The following FZD3 variants were observed in gnomAD, a reference collection of about 807,000 sequenced individuals.
FZD3 encodes frizzled-3.
In FZD3, 30 loss-of-function variants were observed where a neutral mutation model predicts 60.7. The observed-to-expected ratio is 0.49, with a 90% CI of 0.37 to 0.67. The LOEUF is 0.67. Ranked by LOEUF, FZD3 falls within the 30% of genes least tolerant of loss-of-function variation. The probability of loss-of-function intolerance (pLI) is 0.00; values close to 1 mark genes in which losing one functional copy is unlikely to be tolerated. For missense variants in FZD3, 605 were observed against 838.7 expected (o/e 0.72, Z 3.44); for synonymous variants, 246 against 275.2 (o/e 0.89, Z 1.05).
chr8:28,555,768 G>A lies in FZD3; in HGVS notation c.1584G>A (p.Gln528=). 6.2e-7 allele frequency: 1 copy of A among 1,612,434 alleles called. No homozygotes were observed. The highest frequency in any genetic ancestry group is 8.5e-7 in the Non-Finnish European group (1 of 1,178,436). The change falls in exon 7 of 8, where the codon CAG becomes CAA. Residue 528 remains glutamine, a synonymous_variant. Transcript: ENST00000240093. ...TGAATGAGAGCCGACAGGTACTCCA[G>A]GAACCTGATTTTGCTCAGTCTCTCC... ...EIVNESRQVL[Q]EPDFAQSLLR...
intron 7 of FZD3, among the ~76,000 whole-genome samples, chr8:28,560,149 A>G (rs1476580328): frequency 1.3e-5 from 2 of 152,210 alleles, no homozygotes; most frequent in Non-Finnish European, 2.9e-5. Flanking sequence ...TAGATTAGTG[A>G]TAGCAAATAG....
At chr8:28,555,152 T>A (rs1805485640) in intron 6 of FZD3, among the ~76,000 whole-genome samples, 1 of 152,166 alleles carries the variant, frequency 6.6e-6, no homozygotes, top group Non-Finnish European at 1.5e-5. Context: ...TTTGTTTTGT[T>A]CTAATTATGA....
At position 28,527,495 on chromosome 8, in the gene FZD3, C is replaced by T; in HGVS notation, c.735C>T (p.Tyr245=). ...ERPIIFYAVC[Y]MMVSLIFFIG... The stretch of plus-strand genomic sequence containing the variant: ...CTATTATATTTTATGCAGTCTGCTA[C>T]ATGATGGTATCCTTAATTTTCTTCA... The change falls in exon 5 of 8, where the codon TAC becomes TAT. Residue 245 remains tyrosine (Y), a synonymous_variant. Coordinates refer to ENST00000240093, the MANE Select transcript of FZD3 (RefSeq NM_017412.4). The surrounding 1 kb of genome is among the most constrained non-coding windows in gnomAD (Gnocchi z 5.0). 1 of 1,613,752 alleles carries T rather than the reference C, an allele frequency of 6.2e-7. No individual in the cohort carries two copies.
chr8:28,548,110 C>G lies in FZD3; in HGVS notation c.1405-3493C>G, dbSNP rs7017663. On this transcript the variant is annotated intron_variant, in intron 5 of 7. Coordinates refer to ENST00000240093, the MANE Select transcript of FZD3 (RefSeq NM_017412.4). ...TCAGGTGATCTGCCTGCCTCAGCCT[C>G]CGAAAGCGCTGGGATTACAGGTGTG... 9.2e-3 allele frequency among the ~76,000 whole-genome samples: 1,397 copies of G among 152,240 alleles called. 25 individuals are homozygous for G. Among genetic ancestry groups the G allele is most frequent in the African/African-American group, 0.032 (1,310 of 41,556 alleles).
rs1805768139 is a variant in FZD3 at position 28,569,583 on chromosome 8, C to G, written c.*6572C>G. Reference sequence around the variant, plus strand: ...AACTAGATCAACTTGTATTATTTTACTAGATCAACCTGTATTATTAACGTC... The same window carrying G: ...AACTAGATCAACTTGTATTATTTTAGTAGATCAACCTGTATTATTAACGTC... On this transcript the variant is annotated 3_prime_UTR_variant, in exon 8 of 8. Coordinates refer to ENST00000240093, the MANE Select transcript of FZD3 (RefSeq NM_017412.4). 1.3e-5 allele frequency: 2 copies of G among 151,804 alleles called. No homozygotes were observed. Among genetic ancestry groups the G allele is most frequent in the African/African-American group, 4.8e-5 (2 of 41,316 alleles). The allele number at this position is 151,804 out of a possible 1,614,324, so 9.4% of individuals were successfully genotyped here.
chr8:28,524,013 C>T (rs951123061), intron 4 of FZD3, among the ~76,000 whole-genome samples: 2 of 152,112 alleles, frequency 1.3e-5, no homozygotes, highest in African/African-American at 4.8e-5. Context: ...AAGGAGGCGC[C>T]TCCTTCCCAG....
At chr8:28,508,351 G>T (rs1804195975) in intron 3 of FZD3, among the ~76,000 whole-genome samples, 1 of 151,302 alleles carries the variant, frequency 6.6e-6, no homozygotes, top group South Asian at 2.1e-4. Flanking sequence ...ATGCTTAAGA[G>T]ATCACTATCT....
intron 4 of FZD3, among the ~76,000 whole-genome samples, chr8:28,523,944 C>T (rs1804650447): frequency 6.6e-6 from 1 of 152,044 alleles, no homozygotes; most frequent in Non-Finnish European, 1.5e-5. Context: ...ATGAGTTTGG[C>T]CCCTTTTCCT....
At position 28,569,111 on chromosome 8, in the gene FZD3, G is replaced by A. The variant is rs1805757031; in HGVS notation, c.*6100G>A. On this transcript the variant is annotated 3_prime_UTR_variant, in exon 8 of 8. Coordinates refer to ENST00000240093, the MANE Select transcript of FZD3 (RefSeq NM_017412.4). ...ACTTTATTATTATTGTAGCTTTAAGGTTTTTTGTTGTATAAGTCAGCTTGT... is the reference window on the plus strand; with the variant it reads ...ACTTTATTATTATTGTAGCTTTAAGATTTTTTGTTGTATAAGTCAGCTTGT... The A allele has an allele frequency of 6.7e-6, 1 of 149,570 alleles. No homozygotes were observed. The highest frequency in any genetic ancestry group is 2.4e-5 in the African/African-American group (1 of 40,890). The allele number at this position is 149,570 out of a possible 1,614,324, so 9.3% of individuals were successfully genotyped here.
At chr8:28,560,728 T>A (rs1228237683) in intron 7 of FZD3, among the ~76,000 whole-genome samples, 2 of 152,154 alleles carry the variant, frequency 1.3e-5, no homozygotes, top group Non-Finnish European at 2.9e-5. Context: ...CATTGAGAGG[T>A]GAAAGATCTC....
At chr8:28,533,894 T>C (rs1368255953) in intron 5 of FZD3, among the ~76,000 whole-genome samples, 1 of 152,182 alleles carries the variant, frequency 6.6e-6, no homozygotes, top group East Asian at 1.9e-4. Flanking sequence ...CCTTTGTGAT[T>C]CTTGTGCTTT....
chr8:28,550,481 C>CTTTTTT lies in FZD3; in HGVS notation c.1405-1102_1405-1097dup, dbSNP rs386412443. 1.7e-3 allele frequency among the ~76,000 whole-genome samples: 57 copies of CTTTTTT among 34,340 alleles called. 2 individuals are homozygous for CTTTTTT. The highest frequency in any genetic ancestry group is 3.7e-3 in the East Asian group (3 of 818). The allele number at this position is 34,340 out of a possible 152,430, so 22.5% of individuals were successfully genotyped here. ...ACAAATACTTTATTTCTTCTTTTAT[C>CTTTTTT]TTTTTTTTTTTTTTTTTTTTTTTTT... is the stretch of plus-strand genomic sequence containing the variant. On this transcript the variant is annotated intron_variant, in intron 5 of 7. Coordinates refer to ENST00000240093, the MANE Select transcript of FZD3 (RefSeq NM_017412.4).
At chr8:28,521,961 T>G (rs1804591754) in intron 4 of FZD3, among the ~76,000 whole-genome samples, 1 of 152,246 alleles carries the variant, frequency 6.6e-6, no homozygotes, top group African/African-American at 2.4e-5. Flanking sequence ...ATGTTGTTAC[T>G]CTTACTTGAC....
chr8:28,511,729 C>T (rs1343696144), intron 3 of FZD3, among the ~76,000 whole-genome samples: 1 of 152,132 alleles, frequency 6.6e-6, no homozygotes, highest in African/African-American at 2.4e-5. Flanking sequence ...GTTAGTGACT[C>T]TCTTCTCCAT....
chr8:28,554,493 A>T (rs567531038), intron 6 of FZD3, among the ~76,000 whole-genome samples: 1 of 152,102 alleles, frequency 6.6e-6, no homozygotes, highest in Non-Finnish European at 1.5e-5. Context: ...TTACCTTGTG[A>T]TTAGCCTCTA....
intron 3 of FZD3, chr8:28,505,023 T>C (rs1268705038): frequency 6.5e-6 from 1 of 154,310 alleles, no homozygotes; most frequent in Non-Finnish European, 1.5e-5. Flanking sequence ...TTGGGAATAG[T>C]TGCATATTGC....
intron 4 of FZD3, among the ~76,000 whole-genome samples, chr8:28,523,227 C>T (rs150874826): frequency 2.0e-5 from 3 of 152,116 alleles, no homozygotes; most frequent in South Asian, 2.1e-4. Context: ...ATGGTTTGGG[C>T]GCTGGAGAGT....
intron 5 of FZD3, among the ~76,000 whole-genome samples, chr8:28,534,848 A>C (rs1415224746): frequency 6.6e-6 from 1 of 152,218 alleles, no homozygotes; most frequent in Non-Finnish European, 1.5e-5. Flanking sequence ...AGTAATAACC[A>C]CACATACTTG....
Position 28,574,068 on chromosome 8 carries a change from G to A in FZD3, c.*11057G>A, listed in dbSNP as rs1805852680. ...TGCACTTGGTTAGAGCATGAACTGG[G>A]AATTTCACATTCTCTGATGTGCTTT... is the stretch of plus-strand genomic sequence containing the variant. On this transcript the variant is annotated 3_prime_UTR_variant, in exon 8 of 8. Coordinates refer to ENST00000240093, the MANE Select transcript of FZD3 (RefSeq NM_017412.4). The A allele has an allele frequency of 6.6e-6, 1 of 152,130 alleles. No homozygotes were observed. The highest frequency in any genetic ancestry group is 2.1e-4 in the South Asian group (1 of 4,834). 9.4% of individuals were successfully genotyped at this position (152,130 alleles called of 1,614,324 possible).
Sources: allele counts gnomAD v4.1 joint callset (sites outside exome capture counted in the v4.1 genomes callset), GRCh38; gene constraint gnomAD v4.1.1; non-coding constraint Gnocchi (gnomAD v3.1); transcripts MANE v1.5; gene names NCBI Gene and HGNC (gene_info 2026-07-23, HGNC 2026-07-21).